AGMO: variants seen among roughly 807,000 people sequenced by gnomAD.
AGMO encodes glyceryl-ether monooxygenase.
In AGMO, 75 loss-of-function variants were observed where a neutral mutation model predicts 60.2. The ratio of observed to expected loss-of-function variants is 1.25; its 90% CI spans 1.03 to 1.51. The LOEUF (loss-of-function observed/expected upper bound fraction) is 1.51. Among genes scored for constraint, AGMO ranks in the 40% most tolerant of loss-of-function variants. The pLI is 0.00. For synonymous variants in AGMO, 261 were observed against 177.1 expected (o/e 1.47, Z -3.76); for missense variants, 763 against 525.5 (o/e 1.45, Z -4.42).
rs544002269 is a variant in AGMO, at chr7:15,293,470, G to A, written c.1263+72044C>T. 4.6e-5 allele frequency among the ~76,000 whole-genome samples: 7 copies of A among 152,204 alleles called. No homozygotes were observed. In the East Asian group the frequency reaches 1.4e-3, roughly 29 times the overall value. The stretch of plus-strand genomic sequence containing the variant: ...ATTTATTTGCCTCCAGATGATCTCT[G>A]CATGCGTAATCCTAGTAAAGTTCAG... On this transcript the variant is annotated intron_variant, in intron 12 of 12. Coordinates refer to ENST00000342526, the MANE Select transcript of AGMO (RefSeq NM_001004320.2).
At chr7:15,506,471 C>A (rs902147448) in intron 3 of AGMO, among the ~76,000 whole-genome samples, 2 of 151,934 alleles carry the variant, frequency 1.3e-5, no homozygotes, top group Non-Finnish European at 2.9e-5. Context: ...TTCCATACAT[C>A]GGCATTATTC....
intron 10 of AGMO, among the ~76,000 whole-genome samples, chr7:15,380,675 A>T (rs929131421): frequency 6.6e-6 from 1 of 152,174 alleles, no homozygotes; most frequent in African/African-American, 2.4e-5. Flanking sequence ...AATTAGAAAA[A>T]ACTACTTTAA....
intron 3 of AGMO, among the ~76,000 whole-genome samples, chr7:15,535,724 G>A (rs1338358540): frequency 4.6e-5 from 7 of 151,902 alleles, no homozygotes; most frequent in African/African-American, 7.2e-5. Flanking sequence ...GGCATGCAAT[G>A]TGTAACAGTC....
chr7:15,352,419 A>G (rs978974349), intron 12 of AGMO, among the ~76,000 whole-genome samples: 4 of 151,916 alleles, frequency 2.6e-5, no homozygotes, highest in Non-Finnish European at 5.9e-5. Flanking sequence ...CATCAAGGGC[A>G]GACATTTCTA....
At chr7:15,342,834 TGACTATA>T (rs1421569667) in intron 12 of AGMO, among the ~76,000 whole-genome samples, 31 of 142,264 alleles carry the variant, frequency 2.2e-4, no homozygotes, top group African/African-American at 7.3e-4. Flanking sequence ...CTACAACTTA[TGACTATA>T]TGACATTGGA....
intron 12 of AGMO, among the ~76,000 whole-genome samples, chr7:15,256,706 G>C (rs986508311): frequency 4.6e-5 from 7 of 152,110 alleles, no homozygotes; most frequent in African/African-American, 1.7e-4. Context: ...TGTTACAGTT[G>C]CCTACAGTGT....
chr7:15,152,482 G>A, the AGMO span, among the ~76,000 whole-genome samples: 2 of 152,168 alleles, frequency 1.3e-5, no homozygotes, highest in African/African-American at 2.4e-5. Flanking sequence ...CTAGTCTTTT[G>A]TCTCTCAACC....
intron 3 of AGMO, among the ~76,000 whole-genome samples, chr7:15,481,973 G>C (rs969843023): frequency 5.3e-5 from 8 of 151,972 alleles, no homozygotes; most frequent in Admixed American, 5.2e-4. Flanking sequence ...AGTCCAAGAA[G>C]AAATCACAGT....
At chr7:15,516,814 G>A (rs1440339543) in intron 3 of AGMO, among the ~76,000 whole-genome samples, 2 of 151,696 alleles carry the variant, frequency 1.3e-5, no homozygotes, top group Non-Finnish European at 1.5e-5. Flanking sequence ...CAGGATATCG[G>A]TGAGTATAAA....
chr7:15,240,207 A>T (rs996183433), intron 12 of AGMO, among the ~76,000 whole-genome samples: 1 of 152,218 alleles, frequency 6.6e-6, no homozygotes, highest in Middle Eastern at 3.2e-3. Context: ...TGCCATATTT[A>T]AAAAATAAAA....
chr7:15,481,751 T>G (rs902541842), intron 3 of AGMO, among the ~76,000 whole-genome samples: 8 of 151,058 alleles, frequency 5.3e-5, no homozygotes, highest in Non-Finnish European at 1.0e-4. Context: ...TCTTTTCAAG[T>G]GCCCTGATGC....
At position 15,354,440 on chromosome 7, in the gene AGMO, ACACACGTGTGTG is replaced by A. The variant is rs1563105589; in HGVS notation, c.1263+11062_1263+11073del. On this transcript the variant is annotated intron_variant, in intron 12 of 12. Coordinates refer to ENST00000342526, the MANE Select transcript of AGMO (RefSeq NM_001004320.2). ...TGTGTATACACACACGTGTGTGTAT[ACACACGTGTGTG>A]TATACACACGTGTGTGTATACACAC... 2.0e-3 allele frequency among the ~76,000 whole-genome samples: 41 copies of A among 20,566 alleles called. 1 individual carries two copies. The highest frequency in any genetic ancestry group is 9.3e-3 in the African/African-American group (19 of 2,038). The allele number at this position is 20,566 out of a possible 152,430, so 13.5% of individuals were successfully genotyped here.
chr7:15,204,708 T>C (rs878933965), intron 12 of AGMO, among the ~76,000 whole-genome samples: 1 of 152,192 alleles, frequency 6.6e-6, no homozygotes, highest in African/African-American at 2.4e-5. Context: ...GCCTGAACTT[T>C]TGGCCTGTAC....
the AGMO span, among the ~76,000 whole-genome samples, chr7:15,179,336 G>T: frequency 6.6e-6 from 1 of 152,130 alleles, no homozygotes; most frequent in African/African-American, 2.4e-5. Context: ...CTCCAGCTGT[G>T]AGCCTGTGAA....
intron 10 of AGMO, among the ~76,000 whole-genome samples, chr7:15,382,149 T>C (rs1394284784): frequency 2.0e-5 from 3 of 152,152 alleles, no homozygotes; most frequent in African/African-American, 7.2e-5. Context: ...AAACTGCACA[T>C]GTACCCCCGA....
At chr7:15,526,771 C>A (rs927944323) in intron 3 of AGMO, among the ~76,000 whole-genome samples, 1 of 152,132 alleles carries the variant, frequency 6.6e-6, no homozygotes, top group South Asian at 2.1e-4. Context: ...TTGTGGCAAC[C>A]TTGTGTCTAG....
chr7:15,395,917 A>T (rs1297688116), intron 5 of AGMO: 1 of 152,158 alleles, frequency 6.6e-6, no homozygotes, highest in Non-Finnish European at 1.5e-5. Context: ...CCATATCCTC[A>T]GCTTGTGGCA....
intron 3 of AGMO, among the ~76,000 whole-genome samples, chr7:15,516,216 G>A (rs1333325294): frequency 6.6e-6 from 1 of 151,976 alleles, no homozygotes; most frequent in Admixed American, 6.6e-5. Flanking sequence ...CAACAATAAA[G>A]ATTGCTCATA....
At chr7:15,461,313 T>G (rs1426554735) in intron 3 of AGMO, among the ~76,000 whole-genome samples, 1 of 151,794 alleles carries the variant, frequency 6.6e-6, no homozygotes, top group East Asian at 1.9e-4. Context: ...AAAAAAACTT[T>G]ATACCCCTTT....
Sources: allele counts gnomAD v4.1 joint callset (sites outside exome capture counted in the v4.1 genomes callset), GRCh38; gene constraint gnomAD v4.1.1; transcripts MANE v1.5; gene names NCBI Gene and HGNC (gene_info 2026-07-23, HGNC 2026-07-21).